PACRG: variants seen among roughly 807,000 people sequenced by gnomAD.
PACRG encodes the protein parkin coregulated, also known as parkin coregulated gene protein.
In PACRG, 29 loss-of-function variants were observed where a neutral mutation model predicts 29.7. The observed-to-expected ratio is 0.98, with a 90% CI of 0.73 to 1.33. The LOEUF is 1.33. Among genes scored for constraint, PACRG ranks in the 40% most tolerant of loss-of-function variants. PACRG has a pLI of 0.00. For missense variants in PACRG, 279 were observed against 316.2 expected (o/e 0.88, Z 0.89); for synonymous variants, 116 against 118.7 (o/e 0.98, Z 0.15).
At chr6:162,810,383 T>A (rs6921055) in intron 1 of PACRG, among the ~76,000 whole-genome samples, 64,304 of 152,024 alleles carry the variant, frequency 0.42, 15,147 homozygotes, top group African/African-American at 0.62. Context: ...TCAAACATAC[T>A]GGTTTCACAA....
In PACRG at chr6:163,304,209, G is replaced by A. The variant is rs78375618; in HGVS notation, c.614-10618G>A. Among the ~76,000 whole-genome samples, 1,390 of 152,130 alleles carry A rather than the reference G, an allele frequency of 9.1e-3. 15 individuals carry two copies. The highest frequency in any genetic ancestry group is 0.032 in the African/African-American group (1,323 of 41,498). On this transcript the variant is annotated intron_variant, in intron 4 of 4. Coordinates refer to ENST00000366888, the MANE Select transcript of PACRG (RefSeq NM_001080379.2). ...TCCACATATTGAAGCTCATTTGATC[G>A]AACATTTCCAAATTCATGTAAGTGC...
intron 2 of PACRG, among the ~76,000 whole-genome samples, chr6:162,824,305 A>G (rs1788094184): frequency 6.6e-6 from 1 of 151,924 alleles, no homozygotes; most frequent in Admixed American, 6.6e-5. Context: ...TCTAGACCTT[A>G]TGTTTCTGAC....
chr6:163,223,159 C>T (rs1256446558), intron 4 of PACRG, among the ~76,000 whole-genome samples: 5 of 152,080 alleles, frequency 3.3e-5, no homozygotes, highest in South Asian at 2.1e-4. Flanking sequence ...TTTGGGGGGC[C>T]GAGGCGGGTG....
At chr6:163,299,428 T>C (rs893620036) in intron 4 of PACRG, among the ~76,000 whole-genome samples, 6 of 152,164 alleles carry the variant, frequency 3.9e-5, no homozygotes, top group African/African-American at 1.4e-4. Context: ...CGCCCTGCCC[T>C]GCAGCCAGAG....
At chr6:163,071,190 A>G (rs1203246140) in intron 3 of PACRG, among the ~76,000 whole-genome samples, 1 of 152,122 alleles carries the variant, frequency 6.6e-6, no homozygotes, top group African/African-American at 2.4e-5. Context: ...TATAGACCAA[A>G]TGAATCTAGT....
At position 163,296,656 on chromosome 6, in the gene PACRG, A is replaced by T. The variant is rs74462747; in HGVS notation, c.614-18171A>T. On this transcript the variant is annotated intron_variant, in intron 4 of 4. Transcript: ENST00000366888. Reference sequence around the variant, plus strand: ...GCCCAGTGATGTAGTTCTTTATGGGATTCATAAAGGGTTTCCTGACAGACA... The same window carrying T: ...GCCCAGTGATGTAGTTCTTTATGGGTTTCATAAAGGGTTTCCTGACAGACA... 6.5e-4 allele frequency among the ~76,000 whole-genome samples: 99 copies of T among 152,228 alleles called. 1 individual carries two copies. In the East Asian group the frequency reaches 0.019, roughly 29 times the overall value.
At chr6:163,150,626 A>G (rs1778043200) in intron 4 of PACRG, among the ~76,000 whole-genome samples, 1 of 152,208 alleles carries the variant, frequency 6.6e-6, no homozygotes, top group African/African-American at 2.4e-5. Flanking sequence ...CCCTCTAAGA[A>G]CAGGAAAACC....
chr6:163,160,010 A>C (rs1006322815), intron 4 of PACRG, among the ~76,000 whole-genome samples: 1 of 152,076 alleles, frequency 6.6e-6, no homozygotes, highest in Non-Finnish European at 1.5e-5. Context: ...GTTGGTTAGC[A>C]CTTCTCTGTA....
chr6:162,994,566 T>C (rs1406532118), intron 2 of PACRG, among the ~76,000 whole-genome samples: 1 of 152,076 alleles, frequency 6.6e-6, no homozygotes, highest in African/African-American at 2.4e-5. Flanking sequence ...CTTCACGTAG[T>C]TCTCGAGCCT....
intron 1 of PACRG, among the ~76,000 whole-genome samples, chr6:162,740,847 C>T (rs1203086112): frequency 1.3e-5 from 2 of 152,288 alleles, no homozygotes; most frequent in East Asian, 1.9e-4. Context: ...GATCTGCCCT[C>T]CTCAGCCTCC....
intron 2 of PACRG, among the ~76,000 whole-genome samples, chr6:162,967,817 T>C (rs6455859): frequency 0.67 from 102,306 of 152,046 alleles, 34,598 homozygotes; most frequent in East Asian, 0.79. Flanking sequence ...TTTTACATCA[T>C]AAAATGTGAT....
intron 2 of PACRG, among the ~76,000 whole-genome samples, chr6:162,942,470 T>C (rs1798701890): frequency 6.6e-6 from 1 of 152,216 alleles, no homozygotes. Context: ...TCCAGTTCTT[T>C]ATTCCCCTAT....
chr6:162,727,697 C>T (rs1779358116), upstream of PACRG: 9 of 1,566,432 alleles, frequency 5.7e-6, no homozygotes, highest in Non-Finnish European at 7.8e-6. Flanking sequence ...GGCTGCGGGC[C>T]AGGAACAGGC....
chr6:163,225,097 G>A (rs916605845), intron 4 of PACRG, among the ~76,000 whole-genome samples: 3 of 152,162 alleles, frequency 2.0e-5, no homozygotes, highest in Non-Finnish European at 4.4e-5. Context: ...TGAAAAAATG[G>A]TCAGCATCAG....
intron 2 of PACRG, among the ~76,000 whole-genome samples, chr6:162,976,413 A>G (rs1330237773): frequency 6.6e-5 from 10 of 152,170 alleles, no homozygotes; most frequent in Admixed American, 6.5e-4. Flanking sequence ...AGAAATCTTT[A>G]ACTAACAGGA....
intron 1 of PACRG, among the ~76,000 whole-genome samples, chr6:162,770,043 G>A (rs1017199173): frequency 4.0e-5 from 6 of 151,866 alleles, no homozygotes; most frequent in African/African-American, 9.7e-5. Context: ...TAAATGAAAA[G>A]TCTATGCAAT....
At chr6:163,233,725 A>G (rs1465211237) in intron 4 of PACRG, among the ~76,000 whole-genome samples, 2 of 152,238 alleles carry the variant, frequency 1.3e-5, no homozygotes, top group South Asian at 2.1e-4. Flanking sequence ...TTGAAGACAT[A>G]TAAAGGACAG....
At chr6:162,828,992 T>A (rs918855412) in intron 2 of PACRG, among the ~76,000 whole-genome samples, 4 of 152,236 alleles carry the variant, frequency 2.6e-5, no homozygotes, top group Non-Finnish European at 5.9e-5. Context: ...TTTTGTACAT[T>A]TCAACATAAA....
rs188761016 is a variant in PACRG at position 162,787,967 on chromosome 6, G to A, written c.157-26180G>A. ...GCAACAAAAGGTACAGGGAGTTCCC[G>A]TGTGCTCCCTGCACCAGTGTGGTAC... On this transcript the variant is annotated intron_variant, in intron 1 of 4. Transcript: ENST00000366888. Among the ~76,000 whole-genome samples the A allele has an allele frequency of 2.1e-3, 320 of 152,108 alleles. 3 individuals carry two copies. Among genetic ancestry groups the A allele is most frequent in the South Asian group, 0.017 (82 of 4,812 alleles).
Sources: allele counts gnomAD v4.1 joint callset (sites outside exome capture counted in the v4.1 genomes callset), GRCh38; gene constraint gnomAD v4.1.1; transcripts MANE v1.5; gene names NCBI Gene and HGNC (gene_info 2026-07-23, HGNC 2026-07-21).